KAZN: variants seen among roughly 807,000 people sequenced by gnomAD.
KAZN encodes the protein kazrin, periplakin interacting protein.
In KAZN, 40 loss-of-function variants were observed where a neutral mutation model predicts 87.4. The observed-to-expected ratio is 0.46, with a 90% CI of 0.36 to 0.60. KAZN has a LOEUF of 0.60. Ranked by LOEUF, KAZN falls within the 20% of genes least tolerant of loss-of-function variation. The pLI, the probability that KAZN is intolerant of heterozygous loss-of-function variation, is 0.00. For missense variants in KAZN, 898 were observed against 1,073.9 expected (o/e 0.84, Z 2.29); for synonymous variants, 466 against 458.3 (o/e 1.02, Z -0.22).
intron 1 of KAZN, among the ~76,000 whole-genome samples, chr1:14,759,834 T>A (rs934180703): frequency 6.6e-6 from 1 of 152,114 alleles, no homozygotes; most frequent in African/African-American, 2.4e-5. Flanking sequence ...TCCTCTTAGA[T>A]CCCTTCAAGC....
At chr1:14,019,988 C>T (rs1640750211) in intron 1 of KAZN, among the ~76,000 whole-genome samples, 1 of 151,926 alleles carries the variant, frequency 6.6e-6, no homozygotes. Context: ...AATGTCGAAT[C>T]AGTGGGAGCC....
chr1:14,379,282 G>A (rs569483287), intron 2 of KAZN, among the ~76,000 whole-genome samples: 1 of 152,036 alleles, frequency 6.6e-6, no homozygotes, highest in East Asian at 1.9e-4. Flanking sequence ...TCTGAGGCTT[G>A]CTGGCTTCAG....
intron 2 of KAZN, among the ~76,000 whole-genome samples, chr1:14,504,248 G>A (rs759019318): frequency 2.0e-5 from 3 of 152,180 alleles, no homozygotes; most frequent in Non-Finnish European, 4.4e-5. Flanking sequence ...ACTCAGTGGA[G>A]TCTGGTATAA....
chr1:13,921,753 G>A (rs1211799082), intron 1 of KAZN, among the ~76,000 whole-genome samples: 1 of 151,996 alleles, frequency 6.6e-6, no homozygotes, highest in Non-Finnish European at 1.5e-5. Context: ...AGCCTCCCGA[G>A]TAGCTGGGAC....
At chr1:14,146,091 T>C (rs186850406) in intron 1 of KAZN, among the ~76,000 whole-genome samples, 2 of 152,234 alleles carry the variant, frequency 1.3e-5, no homozygotes, top group Admixed American at 6.5e-5. Flanking sequence ...CTACCCTGAG[T>C]TGAGTGATGT....
chr1:14,547,052 G>T (rs1398653861), intron 2 of KAZN, among the ~76,000 whole-genome samples: 1 of 152,186 alleles, frequency 6.6e-6, no homozygotes, highest in Non-Finnish European at 1.5e-5. Flanking sequence ...ATGGCTCCCA[G>T]TCAGAGAATT....
intron 8 of KAZN, chr1:15,067,319 C>A (rs1447064576): frequency 8.6e-5 from 85 of 985,382 alleles, no homozygotes; most frequent in Non-Finnish European, 9.9e-5. Context: ...GCAGCCTGAG[C>A]CTACCCACCC....
At chr1:14,746,198 C>T (rs1371452188) in intron 1 of KAZN, among the ~76,000 whole-genome samples, 1 of 148,074 alleles carries the variant, frequency 6.8e-6, no homozygotes, top group African/African-American at 2.4e-5. Context: ...AGTGACACTC[C>T]AGCTTTACAG....
In KAZN at chr1:14,773,819, GC is replaced by G. The variant is rs1322889541; in HGVS notation, c.226+174598del. ...TGCGGCAGGTCCCAGCCCAGGCCAG[GC>G]CTGCTCTCCTCCCCTCCCCTCCAAA... On this transcript the variant is annotated intron_variant, in intron 1 of 14. Transcript: ENST00000376030. This position sits in a 1 kb window ranked among gnomAD's most constrained non-coding sequence, Gnocchi z 5.9. Among the ~76,000 whole-genome samples, 1 of 152,140 alleles carries G rather than the reference GC, an allele frequency of 6.6e-6. No homozygotes were observed. The highest frequency in any genetic ancestry group is 1.9e-4 in the East Asian group (1 of 5,172).
At chr1:14,070,971 C>T (rs573134121) in intron 1 of KAZN, among the ~76,000 whole-genome samples, 23 of 152,212 alleles carry the variant, frequency 1.5e-4, no homozygotes, top group South Asian at 2.1e-4. Flanking sequence ...TCGAATAAGT[C>T]GTTGAGTTAG....
chr1:14,204,606 A>G (rs1264659662), intron 2 of KAZN, among the ~76,000 whole-genome samples: 2 of 152,248 alleles, frequency 1.3e-5, no homozygotes, highest in African/African-American at 4.8e-5. Flanking sequence ...TAAATGAAAA[A>G]GAAAATATTT....
chr1:14,454,731 G>A (rs954788654), intron 2 of KAZN, among the ~76,000 whole-genome samples: 2 of 152,184 alleles, frequency 1.3e-5, no homozygotes, highest in African/African-American at 4.8e-5. Context: ...AATAATCTCT[G>A]GACTGTGAAG....
At chr1:14,062,950 G>A (rs1642853874) in intron 1 of KAZN, among the ~76,000 whole-genome samples, 1 of 152,206 alleles carries the variant, frequency 6.6e-6, no homozygotes, top group Non-Finnish European at 1.5e-5. Flanking sequence ...GAATAGATGA[G>A]ACGTGGCTGG....
At chr1:14,582,745 A>C (rs1467389393) in intron 2 of KAZN, among the ~76,000 whole-genome samples, 22 of 152,338 alleles carry the variant, frequency 1.4e-4, no homozygotes, top group Non-Finnish European at 2.8e-4. Context: ...TTTAATCTTA[A>C]GAATTTTCTT....
exon 1 of KAZN, chr1:13,893,413 G>A (rs1171838122): frequency 2.2e-6 from 1 of 448,544 alleles, no homozygotes; most frequent in East Asian, 3.9e-5. Flanking sequence ...CTTTTGCATG[G>A]AACTGCTGCT....
intron 2 of KAZN, among the ~76,000 whole-genome samples, chr1:14,302,914 C>G (rs1444707659): frequency 6.6e-6 from 1 of 152,144 alleles, no homozygotes; most frequent in Non-Finnish European, 1.5e-5. Flanking sequence ...TAGCCTGGAA[C>G]TGGTTGGGGT....
chr1:14,040,700 G>A (rs986801549), intron 1 of KAZN, among the ~76,000 whole-genome samples: 4 of 151,748 alleles, frequency 2.6e-5, no homozygotes, highest in African/African-American at 9.7e-5. Context: ...GGGAGGCGGA[G>A]GTTGCGGTGA....
chr1:13,937,558 G>A lies in KAZN; in HGVS notation c.91+43802G>A, dbSNP rs939585365. ...GTCTCATTTGTTTATTTTTGTTTTC[G>A]TTGCATTTGCTTTTGAGGACTTAGT... On this transcript the variant is annotated intron_variant, in intron 1 of 16. Coordinates refer to the KAZN transcript ENST00000636203. Among the ~76,000 whole-genome samples, 6 of 152,140 alleles carry A rather than the reference G, an allele frequency of 3.9e-5. No individual in the cohort carries two copies. The South Asian group carries it at 8.3e-4, about 21-fold the overall frequency.
intron 1 of KAZN, among the ~76,000 whole-genome samples, chr1:14,096,939 G>A (rs1252307810): frequency 6.6e-6 from 1 of 152,232 alleles, no homozygotes; most frequent in Admixed American, 6.5e-5. Flanking sequence ...CAAACATGGA[G>A]CCCAGGCTTT....
Sources: gnomAD v4.1 joint callset for allele counts (sites outside exome capture counted in the v4.1 genomes callset) on GRCh38, gnomAD v4.1.1 for gene constraint, Gnocchi (gnomAD v3.1) non-coding constraint, MANE v1.5 for transcripts, NCBI Gene and HGNC (gene_info 2026-07-23, HGNC 2026-07-21) for gene names.